Variants in DMRTA1 observed in about 807,000 individuals in gnomAD.
DMRTA1 encodes DMRT like family A1.
A neutral mutation model predicts 35.2 loss-of-function variants in DMRTA1; 34 were observed. The observed-to-expected ratio is 0.97, with a 90% CI of 0.74 to 1.29. The LOEUF (loss-of-function observed/expected upper bound fraction) is 1.29. DMRTA1 is among the 50% of genes most tolerant of loss of function. The pLI, the probability that DMRTA1 is intolerant of heterozygous loss-of-function variation, is 0.00. For missense variants in DMRTA1, 824 were observed against 644.6 expected (o/e 1.28, Z -3.01); for synonymous variants, 344 against 276.6 (o/e 1.24, Z -2.42).
chr9:22,447,560 C>T lies in DMRTA1; in HGVS notation c.495C>T (p.Ser165=), dbSNP rs1262631928. The T allele has an allele frequency of 1.1e-5, 18 of 1,595,258 alleles. No homozygotes were observed. Among genetic ancestry groups the T allele is most frequent in the Non-Finnish European group, 1.5e-5 (17 of 1,171,478 alleles). The change falls in exon 1 of 2, where the codon TCC becomes TCT. Residue 165 remains serine (S), a synonymous_variant. Coordinates refer to ENST00000325870, the MANE Select transcript of DMRTA1 (RefSeq NM_022160.3). ...AGAGGCTCCTGTGCTCGGGGCTCTC[C>T]TGGCCCCCCGGTGGTCGGGCATCCG... is the stretch of plus-strand genomic sequence containing the variant. ...GLQRLLCSGL[S]WPPGGRASGG... is the part of the protein sequence containing the mutation.
intron 1 of DMRTA1, among the ~76,000 whole-genome samples, chr9:22,449,570 A>T (rs1818892951): frequency 6.6e-6 from 1 of 152,156 alleles, no homozygotes. Context: ...GATAATTGAC[A>T]TGTTCGGGGG....
At position 22,452,562 on chromosome 9, in the gene DMRTA1, G is replaced by C. The variant is rs1291425241; in HGVS notation, c.*651G>C. On this transcript the variant is annotated 3_prime_UTR_variant, in exon 2 of 2. Transcript: ENST00000325870. ...TTAAAAAACATTTCTCTTTAAAGTTGACACTGTGTCTATGAAGTAAATTTT... is the reference window on the plus strand; with the variant it reads ...TTAAAAAACATTTCTCTTTAAAGTTCACACTGTGTCTATGAAGTAAATTTT... The C allele has an allele frequency of 6.6e-6, 1 of 152,142 alleles. No homozygotes were observed. Among genetic ancestry groups the C allele is most frequent in the Non-Finnish European group, 1.5e-5 (1 of 68,050 alleles). 9.4% of individuals were successfully genotyped at this position (152,142 alleles called of 1,614,324 possible). A position where few individuals can be genotyped will look rare whatever the true frequency, so the allele number is the denominator to read the frequency against.
At chr9:22,449,290 C>A (rs1319826628) in intron 1 of DMRTA1, among the ~76,000 whole-genome samples, 1 of 152,070 alleles carries the variant, frequency 6.6e-6, no homozygotes, top group Non-Finnish European at 1.5e-5. Flanking sequence ...CACAGAAGAA[C>A]CTTATATTCA....
Position 22,447,593 on chromosome 9 carries a change from C to A in DMRTA1, c.528C>A (p.Gly176=), listed in dbSNP as rs535582130. ...CCGGTGGTCGGGCATCCGGGGGCGG[C>A]GGCAGAGCCGAGAATCCACAGTCCA... ...WPPGGRASGG[G]GRAENPQSTG... is the part of the protein sequence containing the mutation. Residue 176 remains glycine (G), a synonymous_variant, in exon 1 of 2, where the codon GGC becomes GGA. Coordinates refer to ENST00000325870, the MANE Select transcript of DMRTA1 (RefSeq NM_022160.3). 13 of 1,602,480 alleles carry A rather than the reference C, an allele frequency of 8.1e-6. No individual in the cohort carries two copies. The African/African-American group carries it at 1.7e-4, about 22-fold the overall frequency.
At chr9:22,450,169 G>A (rs764672953) in intron 1 of DMRTA1, among the ~76,000 whole-genome samples, 4 of 152,116 alleles carry the variant, frequency 2.6e-5, no homozygotes, top group African/African-American at 4.8e-5. Context: ...AGAACTTTGT[G>A]TAAAAGTACT....
At position 22,451,500 on chromosome 9, in the gene DMRTA1, A is replaced by T; in HGVS notation, c.1104A>T (p.Glu368Asp). ...QAIEQVLNGK[E>D]HKPDNRNLAN... is the part of the protein sequence containing the mutation. ...TTGAACAGGTTTTAAATGGCAAAGA[A>T]CACAAGCCAGACAACAGGAACCTAG... Residue 368 changes from glutamate to aspartate, a missense_variant, in exon 2 of 2, where the codon GAA becomes GAT. By Grantham distance (45) the Glu-to-Asp change is conservative. Transcript: ENST00000325870. 6.2e-7 allele frequency: 1 copy of T among 1,614,192 alleles called. No homozygotes were observed. The highest frequency in any genetic ancestry group is 1.1e-5 in the South Asian group (1 of 91,086).
In DMRTA1 at chr9:22,447,012, A is replaced by T; in HGVS notation, c.-54A>T. On this transcript the variant is annotated 5_prime_UTR_variant, in exon 1 of 2. Coordinates refer to ENST00000325870, the MANE Select transcript of DMRTA1 (RefSeq NM_022160.3). ...GCTTCCCCAGCCTCCCAGCAGGGTT[A>T]GCTGCGGTCAGCGCACTTTCCACTT... 1 of 1,568,082 alleles carries T rather than the reference A, an allele frequency of 6.4e-7. No homozygotes were observed. Among genetic ancestry groups the T allele is most frequent in the Non-Finnish European group, 8.6e-7 (1 of 1,157,446 alleles).
At position 22,454,349 on chromosome 9, in the gene DMRTA1, T is replaced by C. The variant is rs1023201361; in HGVS notation, c.*2438T>C. 1 of 152,102 alleles carries C rather than the reference T, an allele frequency of 6.6e-6. No homozygotes were observed. Among genetic ancestry groups the C allele is most frequent in the Non-Finnish European group, 1.5e-5 (1 of 67,968 alleles). The allele number at this position is 152,102 out of a possible 1,614,324, so 9.4% of individuals were successfully genotyped here. On this transcript the variant is annotated 3_prime_UTR_variant, in exon 2 of 2. Coordinates refer to ENST00000325870, the MANE Select transcript of DMRTA1 (RefSeq NM_022160.3). ...AGGTTCTCAACCTATACACTAGATT[T>C]CCACTGACTGAAAAAAAATAAAAGC...
chr9:22,450,957 T>G (rs1306715541), intron 1 of DMRTA1, 107 bp from the exon 2 acceptor site: 1 of 1,146,420 alleles, frequency 8.7e-7, no homozygotes, highest in African/African-American at 1.6e-5. Context: ...TATTACTAAT[T>G]AATAGGAGTG....
intron 1 of DMRTA1, among the ~76,000 whole-genome samples, chr9:22,448,999 A>G (rs1818883576): frequency 6.6e-6 from 1 of 152,222 alleles, no homozygotes; most frequent in Non-Finnish European, 1.5e-5. Context: ...CGATAGTGAA[A>G]TGGCTGACAT....
rs1306907461 is a variant in DMRTA1 at position 22,452,975 on chromosome 9, A to G, written c.*1064A>G. The stretch of plus-strand genomic sequence containing the variant: ...AGATTTCCAAAGGGGAAAAACTGCC[A>G]TGAAGTTTCAGAGGTATTCTTGCAA... On this transcript the variant is annotated 3_prime_UTR_variant, in exon 2 of 2. Coordinates refer to ENST00000325870, the MANE Select transcript of DMRTA1 (RefSeq NM_022160.3). 2.0e-5 allele frequency: 3 copies of G among 152,148 alleles called. No individual in the cohort carries two copies. Among genetic ancestry groups the G allele is most frequent in the East Asian group, 1.9e-4 (1 of 5,200 alleles). The allele number at this position is 152,148 out of a possible 1,614,324, so 9.4% of individuals were successfully genotyped here.
At position 22,451,412 on chromosome 9, in the gene DMRTA1, A is replaced by G. The variant is rs751669342; in HGVS notation, c.1016A>G (p.Asn339Ser). The change falls in exon 2 of 2, where the codon AAT becomes AGT. Residue 339 changes from asparagine (N) to serine (S), a missense_variant. Asn to Ser is a conservative substitution (Grantham distance 46). Transcript: ENST00000325870. ...PLDILTKIFP[N>S]YRRSRLEGIL... is the part of the protein sequence containing the mutation. ...GATATCCTTACTAAGATTTTCCCAA[A>G]TTACAGGCGCAGCCGGCTAGAAGGC... The G allele has an allele frequency of 7.4e-6, 12 of 1,614,028 alleles. No homozygotes were observed. Among genetic ancestry groups the G allele is most frequent in the Non-Finnish European group, 9.3e-6 (11 of 1,180,004 alleles).
chr9:22,447,755 CTT>C lies in DMRTA1; in HGVS notation c.667+25_667+26del, dbSNP rs200109247. 2,469 of 1,612,490 alleles carry C rather than the reference CTT, an allele frequency of 1.5e-3. 30 individuals are homozygous for C. The African/African-American group carries it at 0.028, about 19-fold the overall frequency. ...AAGGTGAGTTGGTCTTTGATTTACTCTTTGCTCAAGGAATGGTTGTTCTGGAA... is the reference window on the plus strand; with the variant it reads ...AAGGTGAGTTGGTCTTTGATTTACTCTGCTCAAGGAATGGTTGTTCTGGAA... On this transcript the variant is annotated intron_variant, in intron 1 of 1. Transcript: ENST00000325870.
Position 22,447,584 on chromosome 9 carries a change from C to G in DMRTA1, c.519C>G (p.Ser173=), listed in dbSNP as rs752784700. The change falls in exon 1 of 2, where the codon TCC becomes TCG. Residue 173 remains serine, a synonymous_variant. Transcript: ENST00000325870. The part of the protein sequence containing the change: ...GLSWPPGGRA[S]GGGGRAENPQ... Reference sequence around the variant, plus strand: ...CCTGGCCCCCCGGTGGTCGGGCATCCGGGGGCGGCGGCAGAGCCGAGAATC... The same window carrying G: ...CCTGGCCCCCCGGTGGTCGGGCATCGGGGGGCGGCGGCAGAGCCGAGAATC... 502 of 1,601,332 alleles carry G rather than the reference C, an allele frequency of 3.1e-4. No homozygotes were observed. The highest frequency in any genetic ancestry group is 4.0e-4 in the Non-Finnish European group (474 of 1,174,950).
chr9:22,447,979 G>A (rs1035109961), intron 1 of DMRTA1, among the ~76,000 whole-genome samples: 3 of 152,186 alleles, frequency 2.0e-5, no homozygotes, highest in Non-Finnish European at 4.4e-5. Context: ...TGAAGCATGG[G>A]TGGTAACAAA....
chr9:22,451,409 C>CA lies in DMRTA1; in HGVS notation c.1016dup (p.Asn339LysfsTer23). ...CTTGATATCCTTACTAAGATTTTCC[C>CA]AAATTACAGGCGCAGCCGGCTAGAA... On this transcript the variant is annotated frameshift_variant, in exon 2 of 2. Coordinates refer to ENST00000325870, the MANE Select transcript of DMRTA1 (RefSeq NM_022160.3). LOFTEE classifies it high-confidence loss of function. The CA allele has an allele frequency of 1.2e-6, 2 of 1,614,128 alleles. No homozygotes were observed. Among genetic ancestry groups the CA allele is most frequent in the African/African-American group, 2.7e-5 (2 of 75,044 alleles).
In DMRTA1 at chr9:22,453,761, G is replaced by C. The variant is rs1375852120; in HGVS notation, c.*1850G>C. The stretch of plus-strand genomic sequence containing the variant: ...TCTTGAATCTCCTAAATGGTATTCA[G>C]GTTAGATTCCTTGGTGATTCTTCAG... On this transcript the variant is annotated 3_prime_UTR_variant, in exon 2 of 2. Coordinates refer to ENST00000325870, the MANE Select transcript of DMRTA1 (RefSeq NM_022160.3). 6.6e-6 allele frequency: 1 copy of C among 151,992 alleles called. No homozygotes were observed. Among genetic ancestry groups the C allele is most frequent in the Non-Finnish European group, 1.5e-5 (1 of 67,912 alleles). 9.4% of individuals were successfully genotyped at this position (151,992 alleles called of 1,614,324 possible). A position where few individuals can be genotyped will look rare whatever the true frequency, so the allele number is the denominator to read the frequency against.
chr9:22,447,812 T>C, intron 1 of DMRTA1, 80 bp downstream of exon 1: 6 of 1,545,682 alleles, frequency 3.9e-6, no homozygotes, highest in Admixed American at 3.5e-5. Flanking sequence ...ACCGTGTCCA[T>C]AGGCGGGCAG....
rs560194368 is a variant in DMRTA1 at position 22,454,163 on chromosome 9, G to A, written c.*2252G>A. On this transcript the variant is annotated 3_prime_UTR_variant, in exon 2 of 2. Coordinates refer to ENST00000325870, the MANE Select transcript of DMRTA1 (RefSeq NM_022160.3). The stretch of plus-strand genomic sequence containing the variant: ...GTCTAACAACTCAGTAGTATATGAG[G>A]AAATTGGGGCTCAGCAGTAGGGTTT... 6.6e-6 allele frequency: 1 copy of A among 152,074 alleles called. No individual in the cohort carries two copies. Among genetic ancestry groups the A allele is most frequent in the East Asian group, 1.9e-4 (1 of 5,184 alleles). 9.4% of individuals were successfully genotyped at this position (152,074 alleles called of 1,614,324 possible).
Sources: gnomAD v4.1 joint callset for allele counts (sites outside exome capture counted in the v4.1 genomes callset) on GRCh38, gnomAD v4.1.1 for gene constraint, MANE v1.5 for transcripts, NCBI Gene and HGNC (gene_info 2026-07-23, HGNC 2026-07-21) for gene names.